MSH4: variants seen among roughly 807,000 people sequenced by gnomAD.
MSH4 encodes mutS homolog 4.
Under a neutral mutation model 113.7 loss-of-function variants are expected in MSH4, and 106 were observed. The observed-to-expected ratio is 0.93, with a 90% confidence interval of 0.80 to 1.10. MSH4 has a LOEUF of 1.10. Ranked by LOEUF, MSH4 falls within the 50% of genes least tolerant of loss-of-function variation. The pLI, the probability that MSH4 is intolerant of heterozygous loss-of-function variation, is 0.00. For synonymous variants in MSH4, 368 were observed against 380.2 expected (o/e 0.97, Z 0.37); for missense variants, 1,061 against 1,093.7 (o/e 0.97, Z 0.42).
intron 7 of MSH4, among the ~76,000 whole-genome samples, chr1:75,844,733 A>G (rs544232146): frequency 6.6e-6 from 1 of 152,368 alleles, no homozygotes; most frequent in South Asian, 2.1e-4. Flanking sequence ...TGGAAAATAA[A>G]TTGAGAAGAA....
chr1:75,889,532 T>A (rs1260386651), intron 16 of MSH4, among the ~76,000 whole-genome samples, 163 bp downstream of exon 16: 1 of 152,118 alleles, frequency 6.6e-6, no homozygotes, highest in Non-Finnish European at 1.5e-5. Context: ...CTGTTTTATG[T>A]GGAAATGGAA....
intron 3 of MSH4, among the ~76,000 whole-genome samples, chr1:75,809,676 A>C (rs889326172): frequency 3.2e-5 from 4 of 126,430 alleles, no homozygotes; most frequent in Admixed American, 2.9e-4. Context: ...TTTGTTGCCC[A>C]GGTTGCCAGG....
intron 8 of MSH4, among the ~76,000 whole-genome samples, chr1:75,864,515 G>C (rs1488327853): frequency 3.3e-5 from 5 of 152,094 alleles, no homozygotes; most frequent in Non-Finnish European, 7.4e-5. Context: ...CCCCAAACCT[G>C]ATATTACTGG....
intron 13 of MSH4, among the ~76,000 whole-genome samples, chr1:75,880,382 C>T (rs1557521197): frequency 6.6e-6 from 1 of 152,068 alleles, no homozygotes; most frequent in Admixed American, 6.6e-5. Context: ...AATGTGCATT[C>T]TACCATGATG....
chr1:75,850,720 T>G (rs1206842848), intron 8 of MSH4, among the ~76,000 whole-genome samples: 2 of 152,116 alleles, frequency 1.3e-5, no homozygotes, highest in Non-Finnish European at 2.9e-5. Flanking sequence ...GTTTTACGTT[T>G]TTTTGTTTTG....
intron 7 of MSH4, among the ~76,000 whole-genome samples, chr1:75,829,601 A>G (rs1472635127): frequency 1.3e-5 from 2 of 152,188 alleles, no homozygotes; most frequent in African/African-American, 4.8e-5. Flanking sequence ...CAGAGGAAGA[A>G]TCAGGCAGCA....
chr1:75,882,321 A>AT (rs1570985787), intron 14 of MSH4, among the ~76,000 whole-genome samples: 1 of 151,794 alleles, frequency 6.6e-6, no homozygotes, highest in East Asian at 1.9e-4. Context: ...AATACTTAAA[A>AT]TTTTTTTTCT....
At chr1:75,821,561 A>G (rs1056320983) in intron 6 of MSH4, among the ~76,000 whole-genome samples, 6 of 152,244 alleles carry the variant, frequency 3.9e-5, no homozygotes, top group African/African-American at 1.4e-4. Context: ...AGATCAGAGC[A>G]GAAATGAAGG....
At chr1:75,832,255 A>G (rs1455460904) in intron 7 of MSH4, among the ~76,000 whole-genome samples, 1 of 152,216 alleles carries the variant, frequency 6.6e-6, no homozygotes, top group African/African-American at 2.4e-5. Flanking sequence ...GAATCTCTGA[A>G]TAGACCAATA....
At chr1:75,865,635 T>C (rs2172507) in intron 8 of MSH4, among the ~76,000 whole-genome samples, 114,329 of 152,024 alleles carry the variant, frequency 0.75, 43,150 homozygotes, top group East Asian at 0.98. Context: ...TTGGAGAGTT[T>C]GTAATATGAT....
chr1:75,863,529 G>A (rs1651504817), intron 8 of MSH4, among the ~76,000 whole-genome samples: 1 of 151,476 alleles, frequency 6.6e-6, no homozygotes. Flanking sequence ...AATATTTTTT[G>A]GAAGGATTAT....
At chr1:75,911,670 C>T (rs925533607) in intron 19 of MSH4, among the ~76,000 whole-genome samples, 3 of 151,986 alleles carry the variant, frequency 2.0e-5, no homozygotes, top group Admixed American at 1.3e-4. Flanking sequence ...AGGCCTGGAA[C>T]ATAGATGATA....
chr1:75,878,195 G>A lies in MSH4; in HGVS notation c.1417G>A (p.Ala473Thr), dbSNP rs777643126. Residue 473 changes from alanine to threonine, a missense_variant, in exon 11 of 20, where the codon GCA (alanine) becomes ACA (threonine). Ala to Thr is a moderately conservative substitution (Grantham distance 58). Transcript: ENST00000263187. Reference sequence around the variant, plus strand: ...GATTAAAACAGTAATTAATGATGATGCAAGATACATGAAAGGATGCCTAAA... The same window carrying A: ...GATTAAAACAGTAATTAATGATGATACAAGATACATGAAAGGATGCCTAAA... ...EKIKTVINDD[A>T]RYMKGCLNMR... 1.4e-5 allele frequency: 23 copies of A among 1,608,152 alleles called. No individual in the cohort carries two copies. The highest frequency in any genetic ancestry group is 2.0e-5 in the Non-Finnish European group (23 of 1,177,926).
chr1:75,822,602 A>ATTGAT, intron 7 of MSH4, 21 bp downstream of exon 7: 1 of 1,244,430 alleles, frequency 8.0e-7, no homozygotes, highest in Non-Finnish European at 1.1e-6. Flanking sequence ...ATTATTTAAT[A>ATTGAT]TTATAAATAC....
intron 19 of MSH4, among the ~76,000 whole-genome samples, chr1:75,906,845 T>A (rs1325718589): frequency 6.6e-6 from 1 of 150,408 alleles, no homozygotes. Context: ...TTTTTTCTTT[T>A]TTTTTTGAGA....
rs35936506 is a variant in MSH4, at chr1:75,882,663, T to TAAAA, written c.1907-935_1907-932dup. On this transcript the variant is annotated intron_variant, in intron 14 of 19. Coordinates refer to ENST00000263187, the MANE Select transcript of MSH4 (RefSeq NM_002440.4). ...GGGCAACATAGCTAGACCTCATTTCTAAAAAAAAAAAAAAAAAAAAAAAAA... is the reference window on the plus strand; with the variant it reads ...GGGCAACATAGCTAGACCTCATTTCTAAAAAAAAAAAAAAAAAAAAAAAAAAAAA... Among the ~76,000 whole-genome samples the TAAAA allele has an allele frequency of 7.9e-3, 982 of 123,698 alleles. 26 individuals are homozygous for TAAAA. The highest frequency in any genetic ancestry group is 0.022 in the African/African-American group (726 of 33,402). The allele number at this position is 123,698 out of a possible 152,430, so 81.2% of individuals were successfully genotyped here. A position where few individuals can be genotyped will look rare whatever the true frequency, so the allele number is the denominator to read the frequency against.
At chr1:75,842,670 T>C (rs1045096827) in intron 7 of MSH4, among the ~76,000 whole-genome samples, 2 of 152,198 alleles carry the variant, frequency 1.3e-5, no homozygotes, top group African/African-American at 2.4e-5. Flanking sequence ...CCTTCTGTTA[T>C]GCCCGGACAG....
intron 7 of MSH4, among the ~76,000 whole-genome samples, chr1:75,835,470 G>A (rs1330581113): frequency 6.6e-6 from 1 of 152,054 alleles, no homozygotes; most frequent in Non-Finnish European, 1.5e-5. Flanking sequence ...ATGTTACATT[G>A]GTCAAGCTCC....
At chr1:75,861,026 T>G (rs1379015136) in intron 8 of MSH4, among the ~76,000 whole-genome samples, 1 of 152,232 alleles carries the variant, frequency 6.6e-6, no homozygotes, top group Non-Finnish European at 1.5e-5. Flanking sequence ...CTTCAGTCAC[T>G]GATATCCTTT....
Sources: allele counts gnomAD v4.1 joint callset (sites outside exome capture counted in the v4.1 genomes callset), GRCh38; gene constraint gnomAD v4.1.1; transcripts MANE v1.5; gene names NCBI Gene and HGNC (gene_info 2026-07-23, HGNC 2026-07-21).